The following TMEM117 variants were observed in gnomAD, a reference collection of about 807,000 sequenced individuals.
TMEM117 encodes the protein transmembrane protein 117.
In TMEM117, 27 loss-of-function variants were observed where a neutral mutation model predicts 52.4. That is an observed-to-expected ratio of 0.51 (90% CI 0.38 to 0.71). The LOEUF is 0.71. Among genes scored for constraint, TMEM117 ranks in the 30% least tolerant of loss-of-function variants. The pLI, the probability that TMEM117 is intolerant of heterozygous loss-of-function variation, is 0.00. For missense variants in TMEM117, 556 were observed against 630.5 expected (o/e 0.88, Z 1.26); for synonymous variants, 215 against 206.3 (o/e 1.04, Z -0.36).
chr12:44,324,397 A>G (rs1260003305), intron 6 of TMEM117, among the ~76,000 whole-genome samples: 1 of 152,048 alleles, frequency 6.6e-6, no homozygotes, highest in Non-Finnish European at 1.5e-5. Context: ...AATCCTTTAT[A>G]CTGTAAACTT....
intron 6 of TMEM117, among the ~76,000 whole-genome samples, chr12:44,361,898 C>T (rs963473676): frequency 6.6e-6 from 1 of 152,148 alleles, no homozygotes; most frequent in Non-Finnish European, 1.5e-5. Context: ...TAGTGTTCAA[C>T]TCCCTTTCTA....
intron 2 of TMEM117, among the ~76,000 whole-genome samples, chr12:43,855,760 A>G (rs1439463640): frequency 1.3e-5 from 2 of 152,212 alleles, no homozygotes; most frequent in African/African-American, 4.8e-5. Context: ...TAATGAATTT[A>G]ATAAAGTGAA....
intron 3 of TMEM117, among the ~76,000 whole-genome samples, chr12:44,043,804 A>G (rs968706845): frequency 5.9e-5 from 9 of 152,228 alleles, no homozygotes; most frequent in African/African-American, 2.2e-4. Flanking sequence ...TTATATAAAC[A>G]GAAATCTGGA....
intron 2 of TMEM117, among the ~76,000 whole-genome samples, chr12:43,910,597 C>T (rs61930734): frequency 0.72 from 109,942 of 151,648 alleles, 42,612 homozygotes; most frequent in East Asian, 0.87. Flanking sequence ...TAGAAAACCC[C>T]GTTGTCTCAG....
chr12:44,310,842 T>A (rs1950965341), intron 6 of TMEM117, among the ~76,000 whole-genome samples: 1 of 152,128 alleles, frequency 6.6e-6, no homozygotes, highest in Admixed American at 6.5e-5. Flanking sequence ...GATTCTTGGG[T>A]CTTCCTCTTA....
chr12:44,100,785 C>G (rs904728709), intron 3 of TMEM117, among the ~76,000 whole-genome samples: 2 of 151,970 alleles, frequency 1.3e-5, no homozygotes, highest in Non-Finnish European at 2.9e-5. Context: ...TAAAAGTACT[C>G]ACTTCAGAGC....
chr12:44,115,337 T>A (rs1948121685), intron 3 of TMEM117, among the ~76,000 whole-genome samples: 1 of 152,050 alleles, frequency 6.6e-6, no homozygotes, highest in South Asian at 2.1e-4. Flanking sequence ...AGGGATAGCA[T>A]TAGGAGATAT....
chr12:43,820,360 G>C, the TMEM117 span, among the ~76,000 whole-genome samples: 1 of 152,170 alleles, frequency 6.6e-6, no homozygotes, highest in African/African-American at 2.4e-5. Flanking sequence ...TGCAAGCTCC[G>C]CCTCCCGGGT....
chr12:43,901,894 T>G (rs1944310674), intron 2 of TMEM117, among the ~76,000 whole-genome samples: 1 of 152,208 alleles, frequency 6.6e-6, no homozygotes, highest in Non-Finnish European at 1.5e-5. Flanking sequence ...ATTGTACCAT[T>G]TCTTATAACA....
In TMEM117 at chr12:44,211,310, G is replaced by C. The variant is rs768641593; in HGVS notation, c.531G>C (p.Gln177His). 3 of 1,612,126 alleles carry C rather than the reference G, an allele frequency of 1.9e-6. No individual in the cohort carries two copies. The highest frequency in any genetic ancestry group is 2.5e-6 in the Non-Finnish European group (3 of 1,179,156). ...TAWMVTDMMLQDKPYPDWGKS... is the reference protein window; with the variant it reads ...TAWMVTDMMLHDKPYPDWGKS... ...TTCAGGTCACTGATATGATGCTTCAGGACAAACCCTATCCTGACTGGGGAA... is the reference window on the plus strand; with the variant it reads ...TTCAGGTCACTGATATGATGCTTCACGACAAACCCTATCCTGACTGGGGAA... Residue 177 changes from glutamine (Q) to histidine (H), a missense_variant, in exon 5 of 8, where the codon CAG becomes CAC. Coordinates refer to ENST00000266534, the MANE Select transcript of TMEM117 (RefSeq NM_032256.3).
In TMEM117 at chr12:44,164,458, A is replaced by G. The variant is rs1948938127; in HGVS notation, c.510+20834A>G. Among the ~76,000 whole-genome samples, 3 of 152,112 alleles carry G rather than the reference A, an allele frequency of 2.0e-5. No individual in the cohort carries two copies. The South Asian group carries it at 6.2e-4, about 31-fold the overall frequency. Reference sequence around the variant, plus strand: ...CAACTTATAAGTGGTAACATATGATATTTGGTTTTCCATTCCTGAGTTACT... The same window carrying G: ...CAACTTATAAGTGGTAACATATGATGTTTGGTTTTCCATTCCTGAGTTACT... On this transcript the variant is annotated intron_variant, in intron 4 of 7. Coordinates refer to ENST00000266534, the MANE Select transcript of TMEM117 (RefSeq NM_032256.3).
rs564850573 is a variant in TMEM117 at position 44,074,980 on chromosome 12, A to G, written c.411-68545A>G. ...CATGAATGCATTATTGTTTCTTGTC[A>G]TTTTCTCCTTCATGTTTGAGGCTTA... On this transcript the variant is annotated intron_variant, in intron 3 of 7. Coordinates refer to ENST00000266534, the MANE Select transcript of TMEM117 (RefSeq NM_032256.3). 1.5e-3 allele frequency among the ~76,000 whole-genome samples: 227 copies of G among 152,174 alleles called. 2 individuals are homozygous for G. The highest frequency in any genetic ancestry group is 5.4e-3 in the African/African-American group (225 of 41,502).
At chr12:43,890,465 C>T (rs1944082283) in intron 2 of TMEM117, among the ~76,000 whole-genome samples, 1 of 151,900 alleles carries the variant, frequency 6.6e-6, no homozygotes, top group Admixed American at 6.6e-5. Flanking sequence ...TAGCATCTTT[C>T]TTTTTCATCA....
chr12:43,973,444 C>T (rs1945623999), intron 3 of TMEM117, among the ~76,000 whole-genome samples: 1 of 152,180 alleles, frequency 6.6e-6, no homozygotes, highest in Admixed American at 6.5e-5. Flanking sequence ...CCTTCTAAAT[C>T]CCTTGTTACT....
intron 2 of TMEM117, among the ~76,000 whole-genome samples, chr12:43,871,573 C>A (rs1289729077): frequency 6.6e-6 from 1 of 152,124 alleles, no homozygotes; most frequent in African/African-American, 2.4e-5. Context: ...GTCTGGAAAT[C>A]AACTCTGAAT....
chr12:44,374,393 T>C (rs1951909193), intron 6 of TMEM117, among the ~76,000 whole-genome samples: 1 of 152,170 alleles, frequency 6.6e-6, no homozygotes, highest in Admixed American at 6.6e-5. Flanking sequence ...TTATTTATCT[T>C]CTTTTAAAAA....
chr12:43,810,815 A>C, the TMEM117 span, among the ~76,000 whole-genome samples: 3 of 152,140 alleles, frequency 2.0e-5, no homozygotes, highest in African/African-American at 7.2e-5. Flanking sequence ...CTCCATAACA[A>C]ATACTTTATC....
Position 44,069,876 on chromosome 12 carries a change from T to TTGC in TMEM117, c.411-73647_411-73646insCTG, listed in dbSNP as rs542963273. ...GAAATCAGGGATTCAGGCTCTTTTG[T>TTGC]TGTTGTTGTTGTTGTTTTCTGTTTG... On this transcript the variant is annotated intron_variant, in intron 3 of 7. Transcript: ENST00000266534. 2.6e-4 allele frequency among the ~76,000 whole-genome samples: 39 copies of TTGC among 152,256 alleles called. 1 individual carries two copies. In the East Asian group the frequency reaches 7.5e-3, roughly 29 times the overall value.
At chr12:44,121,999 C>T (rs1265322349) in intron 3 of TMEM117, among the ~76,000 whole-genome samples, 1 of 151,802 alleles carries the variant, frequency 6.6e-6, no homozygotes, top group African/African-American at 2.4e-5. Flanking sequence ...TAATAGCCTC[C>T]AGCTCCATCC....
Sources: allele counts gnomAD v4.1 joint callset (sites outside exome capture counted in the v4.1 genomes callset), GRCh38; gene constraint gnomAD v4.1.1; transcripts MANE v1.5; gene names NCBI Gene and HGNC (gene_info 2026-07-23, HGNC 2026-07-21).